KLRC2: variants seen among roughly 807,000 people sequenced by gnomAD.
The protein encoded by KLRC2 is NKG2-C type II integral membrane protein.
Under a neutral mutation model 25.5 loss-of-function variants are expected in KLRC2, and 10 were observed. The observed-to-expected ratio is 0.39, with a 90% CI of 0.24 to 0.67. The LOEUF (loss-of-function observed/expected upper bound fraction) is 0.67. Ranked by LOEUF, KLRC2 falls within the 30% of genes least tolerant of loss-of-function variation. The probability of loss-of-function intolerance (pLI) is 0.45; values close to 1 mark genes in which losing one functional copy is unlikely to be tolerated. For missense variants in KLRC2, 170 were observed against 272.8 expected, an observed-to-expected ratio of 0.62 and a Z score of 2.65; for synonymous variants, 48 against 93.3, an observed-to-expected ratio of 0.51 and a Z score of 2.80.
In KLRC2 at chr12:10,430,769, A is replaced by C. The variant is rs1863802300; in HGVS notation, c.*348T>G. The C allele has an allele frequency of 5.1e-6, 1 of 196,062 alleles. No homozygotes were observed. Among genetic ancestry groups the C allele is most frequent in the African/African-American group, 2.6e-5 (1 of 38,004 alleles). The allele number at this position is 196,062 out of a possible 1,614,324, so 12.1% of individuals were successfully genotyped here. A position where few individuals can be genotyped will look rare whatever the true frequency, so the allele number is the denominator to read the frequency against. On this transcript the variant is annotated 3_prime_UTR_variant, in exon 6 of 6. Transcript: ENST00000381902. ...GACACAAAGAAACGTTCTATCAATT[A>C]GTGGTCATCTCCTATTTCAACCTCC...
Position 10,431,147 on chromosome 12 carries a change from T to C in KLRC2, c.666A>G (p.Ser222=), listed in dbSNP as rs1292811706. ...NRLKSAQCGS[S]MIYHCKHKL ...GCTTATGCTTACAATGATATATCAT[T>C]GAAGATCCACACTGGGCTGATTTAA... Residue 222 remains serine, a synonymous_variant, in exon 6 of 6, where the codon TCA becomes TCG. Coordinates refer to ENST00000381902, the MANE Select transcript of KLRC2 (RefSeq NM_002260.4). 1 of 1,543,876 alleles carries C rather than the reference T, an allele frequency of 6.5e-7. No homozygotes were observed. The highest frequency in any genetic ancestry group is 1.1e-5 in the South Asian group (1 of 88,854).
chr12:10,434,779 T>C (rs1482769859), intron 2 of KLRC2, among the ~76,000 whole-genome samples: 11 of 152,090 alleles, frequency 7.2e-5, no homozygotes, highest in Admixed American at 2.6e-4. Context: ...AATTTGTTTT[T>C]CTAAATACTT....
chr12:10,433,697 A>C (rs767909930), intron 4 of KLRC2, 94 bp downstream of exon 4: 5 of 1,269,290 alleles, frequency 3.9e-6, no homozygotes, highest in East Asian at 2.6e-5. Flanking sequence ...AATATATGAG[A>C]TAAATATATG....
chr12:10,434,769 A>C (rs1309456096), intron 2 of KLRC2, among the ~76,000 whole-genome samples: 1 of 152,100 alleles, frequency 6.6e-6, no homozygotes, highest in African/African-American at 2.4e-5. Context: ...TTCAAAAATT[A>C]ATTTGTTTTT....
In KLRC2 at chr12:10,431,247, C is replaced by T; in HGVS notation, c.585-19G>A. ...TTTTATCCTGTAATGGAGAAAAATC[C>T]ATTTTCTGTTACATTTTAAGCAAAT... On this transcript the variant is annotated intron_variant, in intron 5 of 5. Transcript: ENST00000381902. 1 of 1,522,144 alleles carries T rather than the reference C, an allele frequency of 6.6e-7. No individual in the cohort carries two copies. The highest frequency in any genetic ancestry group is 9.0e-7 in the Non-Finnish European group (1 of 1,112,010). The allele number at this position is 1,522,144 out of a possible 1,614,324, so 94.3% of individuals were successfully genotyped here.
At chr12:10,431,296 C>G in intron 5 of KLRC2, 68 bp from the exon 6 acceptor site, 2 of 1,487,250 alleles carry the variant, frequency 1.3e-6, no homozygotes, top group Non-Finnish European at 1.8e-6. Context: ...AAAGCATTTT[C>G]CATGTACTGT....
intron 5 of KLRC2, 108 bp downstream of exon 5, chr12:10,431,998 T>G: frequency 1.0e-6 from 1 of 976,466 alleles, no homozygotes; most frequent in Admixed American, 2.7e-5. Context: ...TCACTAACTT[T>G]CCACATCTTT....
chr12:10,431,768 C>T (rs1863818923), intron 5 of KLRC2, among the ~76,000 whole-genome samples: 1 of 104,058 alleles, frequency 9.6e-6, no homozygotes, highest in South Asian at 2.9e-4. Context: ...TTTCTTAAAA[C>T]ATTCTGTGAT....
At chr12:10,435,678 T>C in intron 1 of KLRC2, 122 bp downstream of exon 1, 1 of 1,177,344 alleles carries the variant, frequency 8.5e-7, no homozygotes, top group Non-Finnish European at 1.2e-6. Flanking sequence ...ATTAGAATTT[T>C]AGATCCCAAT....
rs1291770510 is a variant in KLRC2, at chr12:10,432,923, A to C, written c.484-717T>G. On this transcript the variant is annotated intron_variant, in intron 4 of 5. Transcript: ENST00000381902. Reference sequence around the variant, plus strand: ...CTGTTTCCCTACACCCAACCTGGCAATAGGAGGAGGGTATCGAAGGAGAGT... The same window carrying C: ...CTGTTTCCCTACACCCAACCTGGCACTAGGAGGAGGGTATCGAAGGAGAGT... Among the ~76,000 whole-genome samples the C allele has an allele frequency of 2.2e-5, 3 of 138,414 alleles. 1 individual carries two copies. Among genetic ancestry groups the C allele is most frequent in the Non-Finnish European group, 4.7e-5 (3 of 63,540 alleles). The allele number at this position is 138,414 out of a possible 152,430, so 90.8% of individuals were successfully genotyped here.
rs1435322523 is a variant in KLRC2, at chr12:10,430,805, G to A, written c.*312C>T. 2 of 304,452 alleles carry A rather than the reference G, an allele frequency of 6.6e-6. No homozygotes were observed. Among genetic ancestry groups the A allele is most frequent in the East Asian group, 2.6e-4 (2 of 7,762 alleles). The allele number at this position is 304,452 out of a possible 1,614,324, so 18.9% of individuals were successfully genotyped here. ...CCTATTTCAACCTCCCTGAGACATT[G>A]GCAACCACTATTCTACTTTCTGTCT... On this transcript the variant is annotated 3_prime_UTR_variant, in exon 6 of 6. Transcript: ENST00000381902.
chr12:10,433,781 T>C lies in KLRC2; in HGVS notation c.483+10A>G. ...CTTTTCATAAAATGTTTGAAACATTTACATCTTACCATTTCTTCTTCATTA... is the reference window on the plus strand; with the variant it reads ...CTTTTCATAAAATGTTTGAAACATTCACATCTTACCATTTCTTCTTCATTA... On this transcript the variant is annotated intron_variant, in intron 4 of 5. Coordinates refer to ENST00000381902, the MANE Select transcript of KLRC2 (RefSeq NM_002260.4). 3 of 1,547,318 alleles carry C rather than the reference T, an allele frequency of 1.9e-6. No individual in the cohort carries two copies. The highest frequency in any genetic ancestry group is 2.6e-6 in the Non-Finnish European group (3 of 1,134,180).
At chr12:10,434,789 TTTC>T (rs1271295080) in intron 2 of KLRC2, among the ~76,000 whole-genome samples, 25 of 152,138 alleles carry the variant, frequency 1.6e-4, no homozygotes, top group African/African-American at 6.0e-4. Context: ...TCTAAATACT[TTTC>T]TTCTATAGCA....
At chr12:10,433,098 C>A (rs1863832051) in intron 4 of KLRC2, among the ~76,000 whole-genome samples, 1 of 141,162 alleles carries the variant, frequency 7.1e-6, no homozygotes, top group South Asian at 2.2e-4. Flanking sequence ...CAAAGGGACC[C>A]CATGACTAAC....
intron 5 of KLRC2, among the ~76,000 whole-genome samples, chr12:10,431,889 C>T (rs1196606652): frequency 7.1e-6 from 1 of 140,372 alleles, no homozygotes; most frequent in Non-Finnish European, 1.6e-5. Context: ...ATGGGACACC[C>T]CTGGTCCATC....
rs995621993 is a variant in KLRC2, at chr12:10,432,655, C to T, written c.484-449G>A. On this transcript the variant is annotated intron_variant, in intron 4 of 5. Transcript: ENST00000381902. ...ACTAGATAAGCCCTCAATTTTTATC[C>T]GATTCGGTTTTTGCGGAATAACAGG... Among the ~76,000 whole-genome samples, 7 of 137,718 alleles carry T rather than the reference C, an allele frequency of 5.1e-5. 2 individuals are homozygous for T. The highest frequency in any genetic ancestry group is 2.0e-4 in the African/African-American group (7 of 35,800). The allele number at this position is 137,718 out of a possible 152,430, so 90.3% of individuals were successfully genotyped here.
In KLRC2 at chr12:10,431,121, A is replaced by T; in HGVS notation, c.692T>A (p.Leu231His). 6.6e-7 allele frequency: 1 copy of T among 1,518,710 alleles called. No homozygotes were observed. Among genetic ancestry groups the T allele is most frequent in the Non-Finnish European group, 9.0e-7 (1 of 1,108,940 alleles). The allele number at this position is 1,518,710 out of a possible 1,614,324, so 94.1% of individuals were successfully genotyped here. A position where few individuals can be genotyped will look rare whatever the true frequency, so the allele number is the denominator to read the frequency against. Residue 231 changes from leucine to histidine, a missense_variant, in exon 6 of 6, where the codon CTT becomes CAT. Physicochemically the swap from Leu to His is moderately conservative, Grantham distance 99 (BLOSUM62 -3). Transcript: ENST00000381902. ...GCAAACGCAAATGCTTTACTTCTAAAGCTTATGCTTACAATGATATATCAT... is the reference window on the plus strand; with the variant it reads ...GCAAACGCAAATGCTTTACTTCTAATGCTTATGCTTACAATGATATATCAT... ...SSMIYHCKHK[L>H] is the part of the protein sequence containing the mutation.
intron 5 of KLRC2, among the ~76,000 whole-genome samples, chr12:10,431,759 T>G (rs1172418084): frequency 8.2e-6 from 1 of 121,910 alleles, no homozygotes; most frequent in East Asian, 2.5e-4. Context: ...TACGTAAACT[T>G]TCTTAAAACA....
Position 10,436,005 on chromosome 12 carries a change from T to C in KLRC2, c.-19A>G, listed in dbSNP as rs1315138234. 1 of 1,602,712 alleles carries C rather than the reference T, an allele frequency of 6.2e-7. No individual in the cohort carries two copies. Among genetic ancestry groups the C allele is most frequent in the Admixed American group, 1.7e-5 (1 of 59,286 alleles). On this transcript the variant is annotated 5_prime_UTR_variant, in exon 1 of 6. Transcript: ENST00000381902. ...TATTCATCTCTGCAGCTGTGTGATG[T>C]GAGGGACTGTGCTCTATGATAACTG...
Sources: gnomAD v4.1 joint callset for allele counts (sites outside exome capture counted in the v4.1 genomes callset) on GRCh38, gnomAD v4.1.1 for gene constraint, MANE v1.5 for transcripts, NCBI Gene and HGNC (gene_info 2026-07-23, HGNC 2026-07-21) for gene names.